The following TENM2 variants were observed in gnomAD, a reference collection of about 807,000 sequenced individuals.
TENM2 encodes the protein teneurin-2.
TENM2 carries 52 observed loss-of-function variants against 245.2 expected under a neutral mutation model. The observed-to-expected ratio is 0.21, with a 90% CI of 0.17 to 0.27. The LOEUF (loss-of-function observed/expected upper bound fraction) is 0.27. Ranked by LOEUF, TENM2 falls within the 10% of genes least tolerant of loss-of-function variation. The pLI is 1.00. For synonymous variants in TENM2, 1,363 were observed against 1,438.9 expected, an observed-to-expected ratio of 0.95 and a Z score of 1.19; for missense variants, 3,046 against 3,666.8, an observed-to-expected ratio of 0.83 and a Z score of 4.37.
intron 2 of TENM2, among the ~76,000 whole-genome samples, chr5:167,452,245 T>A (rs35549373): frequency 0.22 from 34,002 of 152,102 alleles, 4,336 homozygotes; most frequent in East Asian, 0.3. Context: ...TCTTTACAAA[T>A]GTATGTTTAT....
At chr5:167,608,400 A>G (rs1054823520) in intron 2 of TENM2, among the ~76,000 whole-genome samples, 1 of 152,202 alleles carries the variant, frequency 6.6e-6, no homozygotes, top group Admixed American at 6.5e-5. Context: ...GGCCATGTGC[A>G]CCACCAATAA....
chr5:167,242,045 TG>T, the TENM2 span, among the ~76,000 whole-genome samples: 70 of 148,130 alleles, frequency 4.7e-4, 1 homozygote, highest in African/African-American at 1.6e-3. Flanking sequence ...TTTTGTTTTT[TG>T]TTTTTTTTTT....
intron 22 of TENM2, among the ~76,000 whole-genome samples, chr5:168,217,654 C>T (rs1763317577): frequency 6.6e-6 from 1 of 152,250 alleles, no homozygotes; most frequent in South Asian, 2.1e-4. Context: ...TGCACTTTGG[C>T]TCCCCTTGGA....
In TENM2 at chr5:168,218,389, C is replaced by T. The variant is rs1763382937; in HGVS notation, c.4498C>T (p.Arg1500Cys). Reference sequence around the variant, plus strand: ...TGAGACAGATGAGAAGAAGATTAACCGTCTACGCCAGGTAACAACCAACGG... The same window carrying T: ...TGAGACAGATGAGAAGAAGATTAACTGTCTACGCCAGGTAACAACCAACGG... The change falls in exon 23 of 29, where the codon CGT becomes TGT. Residue 1500 changes from arginine to cysteine, a missense_variant. By Grantham distance (180) the Arg-to-Cys change is radical (BLOSUM62 -3). This residue lies in a region of TENM2 where 2,704 missense variants were observed against 3,331.9 expected (regional missense o/e 0.81). Coordinates refer to ENST00000518659, the Ensembl canonical transcript of TENM2. The surrounding 1 kb of genome is among the most constrained non-coding windows in gnomAD (Gnocchi z 5.2). The T allele has an allele frequency of 2.5e-6, 4 of 1,614,044 alleles. No individual in the cohort carries two copies. Among genetic ancestry groups the T allele is most frequent in the Non-Finnish European group, 3.4e-6 (4 of 1,179,904 alleles).
intron 2 of TENM2, among the ~76,000 whole-genome samples, chr5:167,807,632 A>ATTTTT (rs766988937): frequency 8.1e-5 from 12 of 148,334 alleles, no homozygotes; most frequent in East Asian, 5.9e-4. Context: ...TTTAAAAAAA[A>ATTTTT]AAAAAAAGAG....
intron 13 of TENM2, among the ~76,000 whole-genome samples, chr5:168,177,416 C>T (rs1759456405): frequency 6.6e-6 from 1 of 152,150 alleles, no homozygotes. Flanking sequence ...AAGTAACTAG[C>T]CCAAGGCCAC....
At chr5:167,878,071 C>G (rs1450842169) in intron 3 of TENM2, among the ~76,000 whole-genome samples, 2 of 152,184 alleles carry the variant, frequency 1.3e-5, no homozygotes, top group Non-Finnish European at 2.9e-5. Flanking sequence ...ATGATGATTT[C>G]CATAAGAGAG....
At chr5:167,374,917 C>A (rs1760654069) in intron 1 of TENM2, among the ~76,000 whole-genome samples, 1 of 152,148 alleles carries the variant, frequency 6.6e-6, no homozygotes, top group Admixed American at 6.5e-5. Context: ...TTTTCAGCTA[C>A]ATGGAGCTAC....
the TENM2 span, among the ~76,000 whole-genome samples, chr5:167,197,861 CAT>C: frequency 2.7e-5 from 4 of 150,528 alleles, no homozygotes; most frequent in Non-Finnish European, 5.9e-5. Flanking sequence ...TACATATATA[CAT>C]GTGTGTATAT....
chr5:168,227,301 T>A (rs1054748719), intron 24 of TENM2, among the ~76,000 whole-genome samples: 4 of 152,150 alleles, frequency 2.6e-5, no homozygotes, highest in Non-Finnish European at 5.9e-5. Flanking sequence ...AGCTCCCTGA[T>A]GTATTTGAGT....
the TENM2 span, among the ~76,000 whole-genome samples, chr5:166,999,714 A>G: frequency 4.6e-5 from 7 of 152,170 alleles, no homozygotes; most frequent in African/African-American, 1.7e-4. Context: ...TCAGAACAAA[A>G]CAAGTTTTCG....
intron 3 of TENM2, among the ~76,000 whole-genome samples, chr5:167,895,965 A>T (rs1775184671): frequency 6.6e-6 from 1 of 152,240 alleles, no homozygotes; most frequent in African/African-American, 2.4e-5. Flanking sequence ...GAAATCTGAG[A>T]TAACTAAGAC....
intron 7 of TENM2, among the ~76,000 whole-genome samples, chr5:168,076,861 C>G (rs1791520978): frequency 6.6e-6 from 1 of 152,168 alleles, no homozygotes; most frequent in Middle Eastern, 3.2e-3. Context: ...TGACTGTACC[C>G]TGTGGTCCTG....
At chr5:168,012,266 T>C (rs75819149) in intron 5 of TENM2, among the ~76,000 whole-genome samples, 1 of 152,156 alleles carries the variant, frequency 6.6e-6, no homozygotes, top group Non-Finnish European at 1.5e-5. Context: ...TAGTACTCCA[T>C]TGTAAAACAA....
intron 2 of TENM2, among the ~76,000 whole-genome samples, chr5:167,392,904 A>T (rs986059547): frequency 6.6e-6 from 1 of 152,078 alleles, no homozygotes; most frequent in African/African-American, 2.4e-5. Context: ...CGGGTGGATC[A>T]GGAGGTCAGG....
intron 2 of TENM2, among the ~76,000 whole-genome samples, 166 bp downstream of exon 4, chr5:167,375,639 C>T (rs370897141): frequency 1.1e-4 from 16 of 152,262 alleles, no homozygotes; most frequent in African/African-American, 3.9e-4. Flanking sequence ...AGCAACCCTC[C>T]AGCACACAAG....
intron 2 of TENM2, among the ~76,000 whole-genome samples, chr5:167,802,652 T>A (rs935481099): frequency 2.6e-5 from 4 of 152,140 alleles, no homozygotes; most frequent in Admixed American, 6.6e-5. Flanking sequence ...CCTCACAGCT[T>A]GAGGAAATTA....
the TENM2 span, among the ~76,000 whole-genome samples, chr5:167,077,470 T>C: frequency 6.6e-6 from 1 of 152,240 alleles, no homozygotes. Context: ...ACGTATTTTG[T>C]CTTTCAGTCT....
chr5:168,028,231 A>T (rs975814894), intron 5 of TENM2, among the ~76,000 whole-genome samples: 3 of 152,180 alleles, frequency 2.0e-5, no homozygotes, highest in African/African-American at 7.2e-5. Context: ...GAGTAGAATC[A>T]CAATTTGATC....
Sources: allele counts gnomAD v4.1 joint callset (sites outside exome capture counted in the v4.1 genomes callset), GRCh38; gene constraint gnomAD v4.1.1; regional missense constraint gnomAD v4.1.1; non-coding constraint Gnocchi (gnomAD v3.1); transcripts MANE v1.5; gene names NCBI Gene and HGNC (gene_info 2026-07-23, HGNC 2026-07-21).